The following TFRC variants were observed in gnomAD, a reference collection of about 807,000 sequenced individuals.
TFRC encodes the protein transferrin receptor protein 1.
In TFRC, 35 loss-of-function variants were observed where a neutral mutation model predicts 85.8. That is an observed-to-expected ratio of 0.41 (90% CI 0.31 to 0.54). The LOEUF (loss-of-function observed/expected upper bound fraction) is 0.54. Among genes scored for constraint, TFRC ranks in the 20% least tolerant of loss-of-function variants. TFRC has a pLI of 0.31. For synonymous variants in TFRC, 362 were observed against 328.6 expected (o/e 1.10, Z -1.10); for missense variants, 828 against 921.5 (o/e 0.90, Z 1.31).
At chr3:196,080,517 G>A (rs1043640877) in intron 1 of TFRC, among the ~76,000 whole-genome samples, 14 of 152,382 alleles carry the variant, frequency 9.2e-5, no homozygotes, top group African/African-American at 3.1e-4. Flanking sequence ...GGGATTACAG[G>A]CGGGAGCCAA....
In TFRC at chr3:196,077,116, G is replaced by A; in HGVS notation, c.-17C>T. 1 of 1,612,100 alleles carries A rather than the reference G, an allele frequency of 6.2e-7. No individual in the cohort carries two copies. The highest frequency in any genetic ancestry group is 1.3e-5 in the African/African-American group (1 of 74,960). On this transcript the variant is annotated 5_prime_UTR_variant, in exon 2 of 19. Transcript: ENST00000360110. ...ATCCATCATTCTGAACTGCCACACA[G>A]AAGAACCTAGGTATCAGAATAGAGA...
rs772888633 is a variant in TFRC, at chr3:196,069,509, A to G, written c.747T>C (p.Pro249=). Residue 249 remains proline (P), a synonymous_variant, in exon 7 of 19, where the codon CCT becomes CCC. Transcript: ENST00000360110. Reference sequence around the variant, plus strand: ...TGACAATCACTATAGATCCATTCACAGGAGTGTATAAATCCTCAAAATCTT... The same window carrying G: ...TGACAATCACTATAGATCCATTCACGGGAGTGTATAAATCCTCAAAATCTT... ...TKKDFEDLYT[P]VNGSIVIVRA... 6.2e-7 allele frequency: 1 copy of G among 1,613,718 alleles called. No homozygotes were observed. The highest frequency in any genetic ancestry group is 2.2e-5 in the East Asian group (1 of 44,820).
Position 196,074,138 on chromosome 3 carries a change from A to G in TFRC, c.239-13T>C. 6.2e-7 allele frequency: 1 copy of G among 1,604,068 alleles called. No individual in the cohort carries two copies. Among genetic ancestry groups the G allele is most frequent in the Non-Finnish European group, 8.5e-7 (1 of 1,173,558 alleles). On this transcript the variant is annotated splice_polypyrimidine_tract_variant and intron_variant, in intron 3 of 18. Coordinates refer to ENST00000360110, the MANE Select transcript of TFRC (RefSeq NM_001128148.3). ...CCAATCATAAATCCTAAAGAGACAA[A>G]GTTCCAGAGCTGAACTCAGAATTTC... is the stretch of plus-strand genomic sequence containing the variant.
chr3:196,077,202 T>TA, intron 1 of TFRC, 80 bp from the exon 2 acceptor site: 1 of 967,498 alleles, frequency 1.0e-6, no homozygotes, highest in Admixed American at 2.3e-5. Flanking sequence ...GGCTAAATGA[T>TA]ACATTAAATT....
At chr3:196,058,976 G>A in intron 14 of TFRC, 1 of 159,786 alleles carries the variant, frequency 6.3e-6, no homozygotes, top group Admixed American at 6.4e-5. Context: ...AGACTAGCCT[G>A]GGCAACACAG....
chr3:196,060,244 G>C lies in TFRC; in HGVS notation c.1472C>G (p.Thr491Ser). ...YINLDKAVLG[T>S]SNFKVSASPL... is the part of the protein sequence containing the mutation. Reference sequence around the variant, plus strand: ...GCTGGCAGAAACCTTGAAGTTGCTGGTACCTGAAAATAAATTGTTTTATCA... The same window carrying C: ...GCTGGCAGAAACCTTGAAGTTGCTGCTACCTGAAAATAAATTGTTTTATCA... The change falls in exon 14 of 19, where the codon ACC becomes AGC. Residue 491 changes from threonine to serine, a missense_variant. Thr to Ser is a moderately conservative substitution (Grantham distance 58, BLOSUM62 1). Transcript: ENST00000360110. 6.2e-7 allele frequency: 1 copy of C among 1,613,788 alleles called. No homozygotes were observed. The highest frequency in any genetic ancestry group is 8.5e-7 in the Non-Finnish European group (1 of 1,179,832).
At chr3:196,054,259 T>C (rs1313963897) in intron 17 of TFRC, among the ~76,000 whole-genome samples, 1 of 150,742 alleles carries the variant, frequency 6.6e-6, no homozygotes, top group East Asian at 2.0e-4. Context: ...ACAAAAACTA[T>C]CTGGGCATGG....
intron 16 of TFRC, among the ~76,000 whole-genome samples, chr3:196,057,206 C>T (rs1474307855): frequency 6.6e-6 from 1 of 152,198 alleles, no homozygotes; most frequent in Non-Finnish European, 1.5e-5. Context: ...GCACCCTGGT[C>T]CTGGTTAAAG....
chr3:196,069,569 C>T lies in TFRC; in HGVS notation c.688-1G>A, dbSNP rs746040781. The T allele has an allele frequency of 6.4e-7, 1 of 1,559,126 alleles. No homozygotes were observed. Among genetic ancestry groups the T allele is most frequent in the African/African-American group, 1.4e-5 (1 of 73,752 alleles). The stretch of plus-strand genomic sequence containing the variant: ...CAAAATTAGCATGGACCAGTTTACC[C>T]TAGAACAAAGACATTAGATTTAATG... On this transcript the variant is annotated splice_acceptor_variant, in intron 6 of 18. Transcript: ENST00000360110. LOFTEE classifies it high-confidence loss of function.
rs1039546880 is a variant in TFRC at position 196,062,844 on chromosome 3, T to C, written c.1404+10A>G. 3.7e-6 allele frequency: 6 copies of C among 1,613,310 alleles called. No homozygotes were observed. The African/African-American group carries it at 8.0e-5, about 22-fold the overall frequency. On this transcript the variant is annotated intron_variant, in intron 12 of 18. Coordinates refer to ENST00000360110, the MANE Select transcript of TFRC (RefSeq NM_001128148.3). ...TCGTGTCCAATATGGGAAGGGATGA[T>C]AAAGAATACCTCTAGCCATTCAGTG...
At position 196,061,267 on chromosome 3, in the gene TFRC, G is replaced by A. The variant is rs148540778; in HGVS notation, c.1469-1020C>T. Among the ~76,000 whole-genome samples the A allele has an allele frequency of 5.0e-3, 756 of 152,288 alleles. 9 individuals carry two copies. Among genetic ancestry groups the A allele is most frequent in the African/African-American group, 0.018 (731 of 41,556 alleles). ...CAGTGATGCCACAACGTAACAGGAT[G>A]TGAATTACTCTCTAAGTACCATTCT... On this transcript the variant is annotated intron_variant, in intron 13 of 18. Transcript: ENST00000360110.
Position 196,062,906 on chromosome 3 carries a change from G to T in TFRC, c.1352C>A (p.Ala451Asp). Residue 451 changes from alanine (A) to aspartate (D), a missense_variant, in exon 12 of 19, where the codon GCC becomes GAC. Transcript: ENST00000360110. ...TCCAAAGTCTCCAGCACTCCAACTG[G>T]CAAAGATAATGCTTCTGCTGGGCTG... ...GFQPSRSIIF[A>D]SWSAGDFGSV... The T allele has an allele frequency of 6.2e-7, 1 of 1,614,076 alleles. No individual in the cohort carries two copies.
intron 16 of TFRC, chr3:196,055,669 AG>A (rs1412222579): frequency 2.6e-5 from 8 of 302,390 alleles, no homozygotes; most frequent in Non-Finnish European, 4.5e-5. Flanking sequence ...CCTTGAGACG[AG>A]GTCTCTCTGT....
At position 196,064,331 on chromosome 3, in the gene TFRC, C is replaced by T. The variant is rs760562518; in HGVS notation, c.1296G>A (p.Met432Ile). 6 of 1,612,162 alleles carry T rather than the reference C, an allele frequency of 3.7e-6. No homozygotes were observed. In the Admixed American group the frequency reaches 8.4e-5, roughly 23 times the overall value. ...GTALLLKLAQ[M>I]FSDMVLKDGF... is the part of the protein sequence containing the mutation. ...TACCTTTTAAGACCATATCTGAGAA[C>T]ATCTGGGCAAGTTTCAATAGGAGAG... is the stretch of plus-strand genomic sequence containing the variant. The change falls in exon 11 of 19, where the codon ATG (methionine) becomes ATA (isoleucine). Residue 432 changes from methionine to isoleucine, a missense_variant. By Grantham distance (10) the Met-to-Ile change is conservative. Coordinates refer to ENST00000360110, the MANE Select transcript of TFRC (RefSeq NM_001128148.3).
intron 5 of TFRC, 79 bp from the exon 6 acceptor site, chr3:196,071,577 C>T (rs1055326006): frequency 1.2e-5 from 17 of 1,375,936 alleles, no homozygotes; most frequent in Non-Finnish European, 1.3e-5. Context: ...GTATGTCTTG[C>T]ATTATTTGGC....
intron 2 of TFRC, 138 bp downstream of exon 2, chr3:196,076,926 G>C: frequency 1.3e-6 from 1 of 745,568 alleles, no homozygotes; most frequent in Non-Finnish European, 2.3e-6. Context: ...GATCAGTTAT[G>C]CCTCAAGACT....
Position 196,075,304 on chromosome 3 carries a change from G to T in TFRC, c.93C>A (p.Gly31=). The T allele has an allele frequency of 6.2e-7, 1 of 1,613,824 alleles. No homozygotes were observed. ...GTTTCATCTCCACATGACTGTTATCGCCATCTACTTGCCGAGCCAGGCTGA... is the reference window on the plus strand; with the variant it reads ...GTTTCATCTCCACATGACTGTTATCTCCATCTACTTGCCGAGCCAGGCTGA... The part of the protein sequence containing the change: ...TRFSLARQVD[G]DNSHVEMKLA... Residue 31 remains glycine, a synonymous_variant, in exon 3 of 19, where the codon GGC becomes GGA. Transcript: ENST00000360110.
chr3:196,063,284 A>C (rs1339076873), intron 11 of TFRC: 2 of 170,162 alleles, frequency 1.2e-5, no homozygotes, highest in Non-Finnish European at 2.5e-5. Context: ...CATTGAAAAC[A>C]GTGTAAGCAT....
At chr3:196,067,703 A>G (rs1164640020) in intron 8 of TFRC, 46 bp from the exon 9 acceptor site, 1 of 1,596,066 alleles carries the variant, frequency 6.3e-7, no homozygotes, top group Non-Finnish European at 8.5e-7. Flanking sequence ...ACTTCCTCAA[A>G]ACTTCTCTGT....
Sources: gnomAD v4.1 joint callset for allele counts (sites outside exome capture counted in the v4.1 genomes callset) on GRCh38, gnomAD v4.1.1 for gene constraint, MANE v1.5 for transcripts, NCBI Gene and HGNC (gene_info 2026-07-23, HGNC 2026-07-21) for gene names.